Variants in SEM1 observed in about 807,000 individuals in gnomAD.
The protein encoded by SEM1 is SEM1 26S proteasome subunit.
SEM1 carries 3 observed loss-of-function variants against 12.7 expected under a neutral mutation model. The observed-to-expected ratio is 0.24, with a 90% CI of 0.11 to 0.61. The LOEUF is 0.61. Ranked by LOEUF, SEM1 falls within the 20% of genes least tolerant of loss-of-function variation. The probability of loss-of-function intolerance (pLI) is 0.88; values close to 1 mark genes in which losing one functional copy is unlikely to be tolerated. For missense variants in SEM1, 59 were observed against 81.3 expected, an observed-to-expected ratio of 0.73 and a Z score of 1.06; for synonymous variants, 30 against 27.8, an observed-to-expected ratio of 1.08 and a Z score of -0.25.
At chr7:96,523,758 A>G (rs1284415770) in intron 2 of SEM1, among the ~76,000 whole-genome samples, 1 of 152,068 alleles carries the variant, frequency 6.6e-6, no homozygotes, top group Non-Finnish European at 1.5e-5. Flanking sequence ...TGGCTCCTTC[A>G]TTATCAACTC....
chr7:96,680,878 A>G (rs1370352561), intron 2 of SEM1, among the ~76,000 whole-genome samples: 1 of 152,146 alleles, frequency 6.6e-6, no homozygotes, highest in Non-Finnish European at 1.5e-5. Context: ...ACACACAAGG[A>G]GTTGGCTATT....
intron 1 of SEM1, among the ~76,000 whole-genome samples, chr7:96,702,673 T>C (rs532523521): frequency 3.9e-4 from 59 of 152,256 alleles, no homozygotes; most frequent in Middle Eastern, 3.4e-3. Context: ...ATTTACATAG[T>C]TTCAAAGTCC....
At chr7:96,610,066 C>G (rs1807494665) in intron 2 of SEM1, among the ~76,000 whole-genome samples, 1 of 151,958 alleles carries the variant, frequency 6.6e-6, no homozygotes, top group Admixed American at 6.6e-5. Flanking sequence ...GTTAGTCTCT[C>G]CCCACTGAGG....
intron 1 of SEM1, among the ~76,000 whole-genome samples, chr7:96,698,933 A>T (rs1019055866): frequency 2.3e-4 from 35 of 152,126 alleles, no homozygotes; most frequent in African/African-American, 8.2e-4. Flanking sequence ...ATAAATTTTT[A>T]AAAATGTATT....
intron 2 of SEM1, among the ~76,000 whole-genome samples, chr7:96,657,506 G>A (rs1009327389): frequency 6.6e-6 from 1 of 152,246 alleles, no homozygotes; most frequent in East Asian, 1.9e-4. Flanking sequence ...CACCTCCTGT[G>A]ACTACAAAGG....
intron 2 of SEM1, among the ~76,000 whole-genome samples, chr7:96,665,476 T>C (rs1189803483): frequency 1.3e-5 from 2 of 152,206 alleles, no homozygotes; most frequent in Non-Finnish European, 2.9e-5. Flanking sequence ...ACTCTAAACT[T>C]CTGAGAGAGT....
At chr7:96,582,457 G>C (rs4615503) in intron 2 of SEM1, among the ~76,000 whole-genome samples, 26,116 of 150,210 alleles carry the variant, frequency 0.17, 2,673 homozygotes, top group Middle Eastern at 0.31. Context: ...TCTCTGCCCG[G>C]CTTTGGTATC....
chr7:96,559,745 C>T (rs1402431308), intron 2 of SEM1, among the ~76,000 whole-genome samples: 1 of 152,208 alleles, frequency 6.6e-6, no homozygotes, highest in Non-Finnish European at 1.5e-5. Flanking sequence ...GAGAAGGATA[C>T]ACAACCTAGT....
intron 2 of SEM1, among the ~76,000 whole-genome samples, chr7:96,639,061 A>G (rs1808513349): frequency 6.6e-6 from 1 of 151,936 alleles, no homozygotes; most frequent in South Asian, 2.1e-4. Context: ...AACCAGAACA[A>G]TGTGTTTGTA....
chr7:96,510,657 T>C (rs1475968205), intron 2 of SEM1, among the ~76,000 whole-genome samples: 1 of 152,152 alleles, frequency 6.6e-6, no homozygotes, highest in African/African-American at 2.4e-5. Context: ...CAATCTGGTA[T>C]AATCTGGATT....
intron 2 of SEM1, among the ~76,000 whole-genome samples, chr7:96,634,576 A>G (rs752100619): frequency 3.6e-4 from 54 of 148,384 alleles, no homozygotes; most frequent in Non-Finnish European, 6.8e-4. Flanking sequence ...ACATGCATAT[A>G]TATATTATAT....
intron 2 of SEM1, among the ~76,000 whole-genome samples, chr7:96,510,996 C>CT (rs1803918024): frequency 6.6e-6 from 1 of 152,102 alleles, no homozygotes; most frequent in South Asian, 2.1e-4. Context: ...CTGGCTACCC[C>CT]TGCAGCCACT....
At chr7:96,690,521 T>C (rs972188295) in intron 2 of SEM1, among the ~76,000 whole-genome samples, 4 of 152,092 alleles carry the variant, frequency 2.6e-5, no homozygotes, top group African/African-American at 9.6e-5. Context: ...ACACTAATAA[T>C]CATGAGGCTG....
chr7:96,527,162 C>T (rs1255118617), intron 2 of SEM1, among the ~76,000 whole-genome samples: 1 of 151,834 alleles, frequency 6.6e-6, no homozygotes, highest in African/African-American at 2.4e-5. Flanking sequence ...GGAAGGGAAA[C>T]ATGCAATGAA....
chr7:96,627,385 T>A (rs1808106192), intron 2 of SEM1, among the ~76,000 whole-genome samples: 1 of 152,100 alleles, frequency 6.6e-6, no homozygotes, highest in Non-Finnish European at 1.5e-5. Context: ...TTTCTTCTTC[T>A]TTGATGCCAG....
chr7:96,517,689 A>G (rs1430413333), intron 2 of SEM1, among the ~76,000 whole-genome samples: 1 of 152,060 alleles, frequency 6.6e-6, no homozygotes, highest in East Asian at 1.9e-4. Context: ...TATGCTTGGG[A>G]TAGTAACAAA....
chr7:96,573,282 T>C (rs1806100474), intron 2 of SEM1, among the ~76,000 whole-genome samples: 1 of 152,248 alleles, frequency 6.6e-6, no homozygotes, highest in Non-Finnish European at 1.5e-5. Flanking sequence ...TTAGCCCATT[T>C]ACATTTAAGG....
intron 2 of SEM1, among the ~76,000 whole-genome samples, chr7:96,677,957 T>TAAAAA (rs1393300158): frequency 6.6e-6 from 1 of 152,198 alleles, no homozygotes; most frequent in Non-Finnish European, 1.5e-5. Flanking sequence ...AATCATCACA[T>TAAAAA]AAAGCACACA....
At chr7:96,505,700 G>A (rs1306360426) in intron 3 of SEM1, among the ~76,000 whole-genome samples, 1 of 152,042 alleles carries the variant, frequency 6.6e-6, no homozygotes, top group Non-Finnish European at 1.5e-5. Context: ...TCAATGTTTG[G>A]CGAGGGTCCA....
Sources: gnomAD v4.1 joint callset for allele counts (sites outside exome capture counted in the v4.1 genomes callset) on GRCh38, gnomAD v4.1.1 for gene constraint, MANE v1.5 for transcripts, NCBI Gene and HGNC (gene_info 2026-07-23, HGNC 2026-07-21) for gene names.